The following MAGI1 variants were observed in gnomAD, a reference collection of about 807,000 sequenced individuals.
MAGI1 encodes membrane associated guanylate kinase, WW and PDZ domain containing 1, also known as membrane-associated guanylate kinase, WW and PDZ domain-containing protein 1.
MAGI1 carries 58 observed loss-of-function variants against 139.9 expected under a neutral mutation model. The ratio of observed to expected loss-of-function variants is 0.41; its 90% CI spans 0.34 to 0.52. MAGI1 has a LOEUF of 0.52. Among genes scored for constraint, MAGI1 ranks in the 20% least tolerant of loss-of-function variants. MAGI1 has a pLI of 0.12. For missense variants in MAGI1, 1,874 were observed against 1,901.6 expected (o/e 0.99, Z 0.27); for synonymous variants, 812 against 737.9 (o/e 1.10, Z -1.63).
intron 2 of MAGI1, among the ~76,000 whole-genome samples, chr3:65,600,267 A>C (rs2082416413): frequency 6.6e-6 from 1 of 152,228 alleles, no homozygotes; most frequent in South Asian, 2.1e-4. Context: ...TGAGAGAAAG[A>C]AGGGAACTTT....
chr3:65,729,805 A>C (rs1200778649), intron 1 of MAGI1, among the ~76,000 whole-genome samples: 1 of 152,228 alleles, frequency 6.6e-6, no homozygotes, highest in African/African-American at 2.4e-5. Context: ...CTGCAATCTA[A>C]GCAGGAAACT....
chr3:65,582,354 G>A (rs575040722), intron 2 of MAGI1, among the ~76,000 whole-genome samples: 3 of 152,200 alleles, frequency 2.0e-5, no homozygotes, highest in South Asian at 4.2e-4. Flanking sequence ...GGAGAGGCTC[G>A]GCCCTGGTTA....
chr3:65,537,095 A>AAT (rs1249810077), intron 2 of MAGI1, among the ~76,000 whole-genome samples: 3 of 152,082 alleles, frequency 2.0e-5, no homozygotes, highest in African/African-American at 7.3e-5. Flanking sequence ...AGTCCTTTAC[A>AAT]ATATATCCCA....
At chr3:65,978,174 T>A (rs780654640) in intron 1 of MAGI1, among the ~76,000 whole-genome samples, 5 of 152,226 alleles carry the variant, frequency 3.3e-5, no homozygotes, top group Non-Finnish European at 5.9e-5. Context: ...CAGGCTCAGT[T>A]CTAAGCACTT....
chr3:65,878,515 C>CAAAA (rs35158287), intron 1 of MAGI1, among the ~76,000 whole-genome samples: 3 of 81,240 alleles, frequency 3.7e-5, no homozygotes, highest in African/African-American at 1.3e-4. Context: ...GACTCAGTCT[C>CAAAA]AAAAAAAAAA....
At chr3:65,703,465 C>T (rs141058329) in intron 1 of MAGI1, among the ~76,000 whole-genome samples, 234 of 152,310 alleles carry the variant, frequency 1.5e-3, no homozygotes, top group Non-Finnish European at 2.6e-3. Flanking sequence ...GATGAACTGC[C>T]CTTAGGCAAT....
intron 1 of MAGI1, among the ~76,000 whole-genome samples, chr3:65,760,329 G>C (rs994829449): frequency 3.3e-5 from 5 of 151,520 alleles, no homozygotes; most frequent in African/African-American, 1.2e-4. Context: ...AGAAACTGGG[G>C]ACCAGAAAGG....
intron 1 of MAGI1, among the ~76,000 whole-genome samples, chr3:65,860,664 C>CAG (rs1156393588): frequency 1.3e-5 from 2 of 152,166 alleles, no homozygotes; most frequent in African/African-American, 2.4e-5. Flanking sequence ...AGTCTGTCCT[C>CAG]CCCGTGGCAG....
At position 65,652,278 on chromosome 3, in the gene MAGI1, A is replaced by G. The variant is rs529294357; in HGVS notation, c.314-30190T>C. ...ATTATTTAAATGTTTCAAGAAGAAAATAGGATTCATAGTCATTCAAAGTGA... is the reference window on the plus strand; with the variant it reads ...ATTATTTAAATGTTTCAAGAAGAAAGTAGGATTCATAGTCATTCAAAGTGA... On this transcript the variant is annotated intron_variant, in intron 1 of 22. Coordinates refer to ENST00000402939, the MANE Select transcript of MAGI1 (RefSeq NM_001033057.2). 5.3e-5 allele frequency among the ~76,000 whole-genome samples: 8 copies of G among 152,274 alleles called. No individual in the cohort carries two copies. The East Asian group carries it at 1.5e-3, about 29-fold the overall frequency.
At chr3:65,587,479 C>CTTTTTT (rs755825684) in intron 2 of MAGI1, among the ~76,000 whole-genome samples, 81 of 109,496 alleles carry the variant, frequency 7.4e-4, no homozygotes, top group African/African-American at 9.3e-4. Flanking sequence ...TTACTTTTTT[C>CTTTTTT]TTTTTTTTTT....
chr3:65,545,505 T>G (rs986373748), intron 2 of MAGI1, among the ~76,000 whole-genome samples: 13 of 152,160 alleles, frequency 8.5e-5, no homozygotes, highest in South Asian at 8.3e-4. Context: ...ATAAGATGTG[T>G]GTCAAAGGCC....
At chr3:65,950,116 C>T (rs1410941168) in intron 1 of MAGI1, among the ~76,000 whole-genome samples, 1 of 59,218 alleles carries the variant, frequency 1.7e-5, no homozygotes, top group Non-Finnish European at 2.8e-5. Flanking sequence ...ACAGAACTAG[C>T]AATATTACTG....
At chr3:66,030,973 A>G (rs1216592080) in intron 1 of MAGI1, among the ~76,000 whole-genome samples, 1 of 152,234 alleles carries the variant, frequency 6.6e-6, no homozygotes, top group African/African-American at 2.4e-5. Context: ...ACTAGAAAGC[A>G]GAGTCAATAT....
intron 1 of MAGI1, among the ~76,000 whole-genome samples, chr3:65,941,358 AAGAATTAT>A (rs2063307099): frequency 6.6e-6 from 1 of 152,104 alleles, no homozygotes; most frequent in Admixed American, 6.5e-5. Context: ...AAAAAAAAAA[AAGAATTAT>A]ATTGCCCCTA....
chr3:65,991,687 C>G (rs143693553), intron 1 of MAGI1, among the ~76,000 whole-genome samples: 209 of 152,282 alleles, frequency 1.4e-3, no homozygotes, highest in Non-Finnish European at 2.2e-3. Context: ...CTTGCTTAGA[C>G]TCTTCCCTAA....
intron 1 of MAGI1, among the ~76,000 whole-genome samples, chr3:65,991,339 T>C (rs1047755547): frequency 6.8e-6 from 1 of 147,932 alleles, no homozygotes; most frequent in Admixed American, 6.7e-5. Flanking sequence ...TTAATGATAC[T>C]GTAATATATG....
At chr3:65,509,818 T>C (rs960199724) in intron 2 of MAGI1, among the ~76,000 whole-genome samples, 5 of 152,104 alleles carry the variant, frequency 3.3e-5, no homozygotes, top group African/African-American at 1.2e-4. Flanking sequence ...CAAGGAGGCC[T>C]GCCTGCCTCT....
chr3:65,356,531 C>T lies in MAGI1; in HGVS notation c.4236G>A (p.Glu1412=), dbSNP rs773263998. 4 of 1,610,456 alleles carry T rather than the reference C, an allele frequency of 2.5e-6. No homozygotes were observed. Among genetic ancestry groups the T allele is most frequent in the African/African-American group, 1.3e-5 (1 of 74,858 alleles). Residue 1412 remains glutamate, a synonymous_variant, in exon 23 of 23, where the codon GAG becomes GAA. Transcript: ENST00000402939. ...CTCTGTTCCTTTTGTCCAGGGACCG[C>T]TCTCTCCTGCGCTCGGGGGAGCGTG... is the stretch of plus-strand genomic sequence containing the variant. ...RRARSPERRR[E]RSLDKRNRED...
At chr3:65,556,177 A>AT (rs893091691) in intron 2 of MAGI1, among the ~76,000 whole-genome samples, 5 of 152,336 alleles carry the variant, frequency 3.3e-5, no homozygotes, top group African/African-American at 1.2e-4. Context: ...TACTTAAAAG[A>AT]TTGCATCTTC....
Sources: allele counts gnomAD v4.1 joint callset (sites outside exome capture counted in the v4.1 genomes callset), GRCh38; gene constraint gnomAD v4.1.1; transcripts MANE v1.5; gene names NCBI Gene and HGNC (gene_info 2026-07-23, HGNC 2026-07-21).